Variants in PLCG2 observed in about 807,000 individuals in gnomAD.
The protein encoded by PLCG2 is 1-phosphatidylinositol 4,5-bisphosphate phosphodiesterase gamma-2.
PLCG2 carries 69 observed loss-of-function variants against 175.6 expected under a neutral mutation model. The ratio of observed to expected loss-of-function variants is 0.39; its 90% CI spans 0.32 to 0.48. The LOEUF is 0.48. Ranked by LOEUF, PLCG2 falls within the 20% of genes least tolerant of loss-of-function variation. PLCG2 has a pLI of 0.91. For synonymous variants in PLCG2, 827 were observed against 624.0 expected (o/e 1.33, Z -4.85); for missense variants, 1,798 against 1,650.9 (o/e 1.09, Z -1.54).
chr16:81,883,550 G>C, intron 9 of PLCG2: 3 of 593,490 alleles, frequency 5.1e-6, no homozygotes, highest in Non-Finnish European at 9.0e-6. Flanking sequence ...AACTCTGGAT[G>C]AGAAGAGCCT....
chr16:81,805,519 C>A (rs74945536), intron 2 of PLCG2, among the ~76,000 whole-genome samples: 4,775 of 135,684 alleles, frequency 0.035, 193 homozygotes, highest in African/African-American at 0.1. Context: ...AAAAAAAAAA[C>A]AAAACGCAAG....
intron 8 of PLCG2, 131 bp from the exon 9 acceptor site, chr16:81,883,138 C>A (rs539447446): frequency 2.7e-6 from 2 of 729,700 alleles, no homozygotes; most frequent in South Asian, 3.2e-5. Flanking sequence ...GTTGGCCAAC[C>A]TGGTACCTAA....
intron 2 of PLCG2, among the ~76,000 whole-genome samples, chr16:81,790,774 C>G (rs1037322363): frequency 2.0e-5 from 3 of 152,114 alleles, no homozygotes; most frequent in Non-Finnish European, 4.4e-5. Flanking sequence ...TTGCCTCTCC[C>G]TCCCTACTCC....
At chr16:81,923,659 G>C in intron 22 of PLCG2, 65 bp downstream of exon 22, 2 of 985,076 alleles carry the variant, frequency 2.0e-6, no homozygotes, top group Non-Finnish European at 3.2e-6. Context: ...TTGGTGATAA[G>C]ACTCAGGTGC....
intron 1 of PLCG2, among the ~76,000 whole-genome samples, chr16:81,748,420 A>G (rs906324782): frequency 3.3e-5 from 5 of 152,102 alleles, no homozygotes; most frequent in African/African-American, 1.2e-4. Context: ...AAAAAAATGA[A>G]AAAAGAAAGG....
At chr16:81,942,146 A>C (rs1365388197) in intron 30 of PLCG2, among the ~76,000 whole-genome samples, 1 of 152,190 alleles carries the variant, frequency 6.6e-6, no homozygotes, top group Non-Finnish European at 1.5e-5. Flanking sequence ...AGAGAGGGGC[A>C]GCTGTGCTGA....
At chr16:81,844,926 A>G (rs1286681943) in intron 2 of PLCG2, among the ~76,000 whole-genome samples, 2 of 152,160 alleles carry the variant, frequency 1.3e-5, no homozygotes, top group African/African-American at 4.8e-5. Context: ...AAATTGAGAC[A>G]CCATGTTCTT....
chr16:81,830,300 G>T (rs1282783696), intron 2 of PLCG2, among the ~76,000 whole-genome samples: 3 of 152,024 alleles, frequency 2.0e-5, no homozygotes, highest in Non-Finnish European at 4.4e-5. Context: ...GCAGTGTCTT[G>T]TCTTTTTCTT....
chr16:81,859,235 G>A, intron 5 of PLCG2, 72 bp downstream of exon 5: 1 of 998,004 alleles, frequency 1.0e-6, no homozygotes, highest in Non-Finnish European at 1.6e-6. Context: ...CCTTCCAAGG[G>A]GGTGGGAGCA....
chr16:81,936,424 G>C (rs1910715897), intron 27 of PLCG2, 46 bp downstream of exon 27: 1 of 1,521,294 alleles, frequency 6.6e-7, no homozygotes, highest in Admixed American at 1.7e-5. Context: ...GGTGGCGGTT[G>C]CAGTCACTCC....
rs570103233 is a variant in PLCG2 at position 81,915,130 on chromosome 16, G to T, written c.2054+2414G>T. 7.2e-5 allele frequency among the ~76,000 whole-genome samples: 11 copies of T among 152,344 alleles called. No individual in the cohort carries two copies. In the South Asian group the frequency reaches 1.2e-3, roughly 17 times the overall value. On this transcript the variant is annotated intron_variant, in intron 19 of 32. Coordinates refer to ENST00000564138, the MANE Select transcript of PLCG2 (RefSeq NM_002661.5). The stretch of plus-strand genomic sequence containing the variant: ...CATAAGGAAATCAGTGTAGTATTTT[G>T]TGATGAGTGCTACAAAGGGATTGGT...
chr16:81,904,591 G>A (rs1909284581), intron 14 of PLCG2, among the ~76,000 whole-genome samples: 1 of 152,236 alleles, frequency 6.6e-6, no homozygotes, highest in African/African-American at 2.4e-5. Context: ...TGCCCAGCCT[G>A]TTCCCTCTGG....
chr16:81,861,154 C>T (rs1906962220), intron 5 of PLCG2, among the ~76,000 whole-genome samples: 1 of 152,174 alleles, frequency 6.6e-6, no homozygotes, highest in African/African-American at 2.4e-5. Context: ...ATGTTAGCCT[C>T]ACGTGAGGCA....
rs547577861 is a variant in PLCG2, at chr16:81,798,121, G to A, written c.193+11939G>A. 8.5e-5 allele frequency among the ~76,000 whole-genome samples: 13 copies of A among 152,252 alleles called. No homozygotes were observed. The South Asian group carries it at 2.1e-3, about 24-fold the overall frequency. Reference sequence around the variant, plus strand: ...GTTGGGATTACAGGTGTGAGTCACCGCGCCTGGCCTGAGTCTCAGTTTTCT... The same window carrying A: ...GTTGGGATTACAGGTGTGAGTCACCACGCCTGGCCTGAGTCTCAGTTTTCT... On this transcript the variant is annotated intron_variant, in intron 2 of 32. Transcript: ENST00000564138.
rs76185153 is a variant in PLCG2, at chr16:81,960,452, G to C, written c.*2454G>C. On this transcript the variant is annotated 3_prime_UTR_variant, in exon 33 of 33. Transcript: ENST00000564138. The stretch of plus-strand genomic sequence containing the variant: ...CTGTTTTTGTTCACCATTTTCCTAA[G>C]TGTGTTATTTAGAATATTGGTTATT... 6.3e-3 allele frequency: 1,429 copies of C among 228,362 alleles called. 25 individuals are homozygous for C. Among genetic ancestry groups the C allele is most frequent in the African/African-American group, 0.029 (1,323 of 45,174 alleles). 14.1% of individuals were successfully genotyped at this position (228,362 alleles called of 1,614,324 possible). A position where few individuals can be genotyped will look rare whatever the true frequency, so the allele number is the denominator to read the frequency against.
chr16:81,956,080 C>T (rs539603369), intron 31 of PLCG2, among the ~76,000 whole-genome samples: 96 of 152,276 alleles, frequency 6.3e-4, no homozygotes, highest in African/African-American at 2.2e-3. Flanking sequence ...CCCCAGACCC[C>T]GGTGACCTTT....
intron 25 of PLCG2, 128 bp from the exon 26 acceptor site, chr16:81,934,301 C>T (rs1386111739): frequency 3.1e-6 from 2 of 639,624 alleles, no homozygotes; most frequent in East Asian, 2.7e-5. Context: ...GAAAGGAAAA[C>T]ATTCAACCAT....
intron 13 of PLCG2, among the ~76,000 whole-genome samples, chr16:81,899,688 G>A (rs1329812773): frequency 6.6e-6 from 1 of 152,158 alleles, no homozygotes; most frequent in African/African-American, 2.4e-5. Context: ...GCACAGTGGT[G>A]AGGGCTGCCT....
intron 7 of PLCG2, among the ~76,000 whole-genome samples, chr16:81,873,926 T>A (rs1036366486): frequency 3.3e-5 from 5 of 152,222 alleles, no homozygotes; most frequent in African/African-American, 1.2e-4. Context: ...AAGGCTAGTC[T>A]GTGTGTTTGT....
Sources: gnomAD v4.1 joint callset for allele counts (sites outside exome capture counted in the v4.1 genomes callset) on GRCh38, gnomAD v4.1.1 for gene constraint, MANE v1.5 for transcripts, NCBI Gene and HGNC (gene_info 2026-07-23, HGNC 2026-07-21) for gene names.